SV2C: variants seen among roughly 807,000 people sequenced by gnomAD.
SV2C encodes solute carrier family 22 member B3.
In SV2C, 49 loss-of-function variants were observed where a neutral mutation model predicts 79.7. The ratio of observed to expected loss-of-function variants is 0.61; its 90% confidence interval spans 0.49 to 0.78. The LOEUF (loss-of-function observed/expected upper bound fraction) is 0.78, where lower values mean the gene tolerates loss of function less well. SV2C is among the 30% of genes least tolerant of loss of function. The pLI, the probability that SV2C is intolerant of heterozygous loss-of-function variation, is 0.00. For missense variants in SV2C, 833 were observed against 912.9 expected (o/e 0.91, Z 1.13); for synonymous variants, 334 against 333.2 (o/e 1.00, Z -0.03).
intron 12 of SV2C, among the ~76,000 whole-genome samples, chr5:76,320,956 GA>G (rs1303478718): frequency 6.6e-6 from 1 of 152,172 alleles, no homozygotes; most frequent in Admixed American, 6.5e-5. Flanking sequence ...TAGCCAAAAA[GA>G]AAATCCGTGC....
the SV2C span, among the ~76,000 whole-genome samples, chr5:75,958,943 C>T: frequency 1.3e-5 from 2 of 151,930 alleles, no homozygotes; most frequent in Non-Finnish European, 2.9e-5. Flanking sequence ...CGTAGGTGGT[C>T]TAGTAGTTCA....
intron 3 of SV2C, among the ~76,000 whole-genome samples, chr5:76,207,224 A>G (rs940636065): frequency 2.0e-5 from 3 of 152,134 alleles, no homozygotes; most frequent in African/African-American, 7.2e-5. Context: ...ATCTTGGTCC[A>G]GAGGGTCTGG....
At chr5:75,878,110 A>G in the SV2C span, among the ~76,000 whole-genome samples, 858 of 152,238 alleles carry the variant, frequency 5.6e-3, 3 homozygotes, top group African/African-American at 0.02. Context: ...TAAAAGTTTG[A>G]GAATTGTTTT....
chr5:76,149,052 A>T (rs1749521649), intron 2 of SV2C, among the ~76,000 whole-genome samples: 2 of 152,142 alleles, frequency 1.3e-5, no homozygotes, highest in African/African-American at 4.8e-5. Context: ...GTTGATCTGA[A>T]ATTCAAATGT....
At chr5:75,921,472 C>T in the SV2C span, 51,986 of 794,666 alleles carry the variant, frequency 0.065, 2,138 homozygotes, top group Admixed American at 0.12. Flanking sequence ...ATAAGGCAGT[C>T]GGTCTCTGGG....
chr5:75,927,219 A>T, the SV2C span, among the ~76,000 whole-genome samples: 1 of 152,152 alleles, frequency 6.6e-6, no homozygotes, highest in Non-Finnish European at 1.5e-5. Context: ...CATTATTCAT[A>T]ATAGCCGAAA....
At chr5:76,076,359 A>G in the SV2C span, among the ~76,000 whole-genome samples, 6 of 152,184 alleles carry the variant, frequency 3.9e-5, no homozygotes, top group African/African-American at 9.7e-5. Context: ...TTGCCTGCAC[A>G]TATTTTTCTT....
intron 2 of SV2C, among the ~76,000 whole-genome samples, chr5:76,184,050 T>C (rs781330148): frequency 5.3e-5 from 8 of 152,272 alleles, no homozygotes; most frequent in Non-Finnish European, 8.8e-5. Flanking sequence ...TTAGAATTTC[T>C]TGGAAAGCTT....
chr5:76,307,744 G>A (rs947992696), intron 12 of SV2C, among the ~76,000 whole-genome samples: 5 of 152,196 alleles, frequency 3.3e-5, no homozygotes, highest in African/African-American at 1.2e-4. Context: ...CTGTCTTCCA[G>A]TTCACTGGTT....
intron 1 of SV2C, among the ~76,000 whole-genome samples, chr5:76,099,744 T>G (rs929961666): frequency 6.6e-6 from 1 of 152,190 alleles, no homozygotes; most frequent in South Asian, 2.1e-4. Flanking sequence ...TAACCTTCTA[T>G]TAACAGTAAG....
intron 4 of SV2C, among the ~76,000 whole-genome samples, chr5:76,284,021 C>G (rs1747272215): frequency 1.3e-5 from 2 of 152,282 alleles, no homozygotes; most frequent in East Asian, 1.9e-4. Context: ...AAATACCAAG[C>G]ATTGCTATAA....
chr5:76,141,684 C>T (rs1448272981), intron 2 of SV2C, among the ~76,000 whole-genome samples: 10 of 151,524 alleles, frequency 6.6e-5, no homozygotes, highest in Non-Finnish European at 8.8e-5. Flanking sequence ...ATTAGCCAGG[C>T]GTGGTGGTAT....
At chr5:75,957,990 A>G in the SV2C span, among the ~76,000 whole-genome samples, 1 of 152,014 alleles carries the variant, frequency 6.6e-6, no homozygotes, top group Non-Finnish European at 1.5e-5. Flanking sequence ...ACCAGTTTTC[A>G]GTGGGTGCCC....
chr5:76,082,500 TTCTCTCTCTCTCTCCC>T (rs1452373309), upstream of SV2C: 1 of 150,662 alleles, frequency 6.6e-6, no homozygotes, highest in Non-Finnish European at 1.5e-5. Context: ...ACAAGCAAAA[TTCTCTCTCTCTCTCCC>T]TCTCTCTCTC....
At chr5:75,994,240 C>T in the SV2C span, among the ~76,000 whole-genome samples, 2 of 151,924 alleles carry the variant, frequency 1.3e-5, no homozygotes, top group African/African-American at 2.4e-5. Context: ...AGGAGAAAGC[C>T]GGACAGACGG....
chr5:75,896,963 T>TCTACA, the SV2C span, among the ~76,000 whole-genome samples: 7 of 144,578 alleles, frequency 4.8e-5, no homozygotes, highest in East Asian at 1.3e-3. Context: ...AGATTCTGGA[T>TCTACA]ATTAGCCTTT....
intron 1 of SV2C, among the ~76,000 whole-genome samples, chr5:76,092,722 T>A (rs980285719): frequency 3.9e-5 from 6 of 152,336 alleles, no homozygotes; most frequent in African/African-American, 1.4e-4. Context: ...TTTTATCTTC[T>A]CTTGCTGTGG....
chr5:76,257,413 A>G (rs1381541889), intron 4 of SV2C, among the ~76,000 whole-genome samples: 1 of 149,290 alleles, frequency 6.7e-6, no homozygotes, highest in Non-Finnish European at 1.5e-5. Context: ...GTAGTGTGGT[A>G]TGGTTTGTGT....
the SV2C span, among the ~76,000 whole-genome samples, chr5:76,028,788 G>A: frequency 1.3e-5 from 2 of 152,100 alleles, no homozygotes; most frequent in Admixed American, 6.5e-5. Flanking sequence ...GGGATGTATA[G>A]CAGCATCATG....
Sources: gnomAD v4.1 joint callset for allele counts (sites outside exome capture counted in the v4.1 genomes callset) on GRCh38, gnomAD v4.1.1 for gene constraint, MANE v1.5 for transcripts, NCBI Gene and HGNC (gene_info 2026-07-23, HGNC 2026-07-21) for gene names.